MCUB: variants seen among roughly 807,000 people sequenced by gnomAD.
MCUB encodes mitochondrial calcium uniporter dominant negative subunit beta, also known as calcium uniporter regulatory subunit MCUb, mitochondrial.
Under a neutral mutation model 41.4 loss-of-function variants are expected in MCUB, and 46 were observed. The ratio of observed to expected loss-of-function variants is 1.11; its 90% CI spans 0.88 to 1.42. The LOEUF (loss-of-function observed/expected upper bound fraction) is 1.42, where lower values mean the gene tolerates loss of function less well. Among genes scored for constraint, MCUB ranks in the 40% most tolerant of loss-of-function variants. MCUB has a pLI of 0.00. For missense variants in MCUB, 403 were observed against 404.9 expected (o/e 1.00, Z 0.04); for synonymous variants, 148 against 148.2 (o/e 1.00, Z 0.01).
intron 1 of MCUB, among the ~76,000 whole-genome samples, chr4:109,600,863 C>T (rs1727715059): frequency 6.6e-6 from 1 of 152,096 alleles, no homozygotes; most frequent in African/African-American, 2.4e-5. Flanking sequence ...GGCATAATCT[C>T]AGCTCACTGC....
At chr4:109,584,261 T>C (rs1295109145) in intron 1 of MCUB, among the ~76,000 whole-genome samples, 1 of 152,202 alleles carries the variant, frequency 6.6e-6, no homozygotes, top group Non-Finnish European at 1.5e-5. Context: ...TATTCTCTGA[T>C]GGTAGTTTGT....
At chr4:109,647,787 A>C (rs970386891) in intron 1 of MCUB, among the ~76,000 whole-genome samples, 1 of 152,176 alleles carries the variant, frequency 6.6e-6, no homozygotes, top group African/African-American at 2.4e-5. Flanking sequence ...CCACCCTTTT[A>C]AATGTGCCGC....
At position 109,625,188 on chromosome 4, in the gene MCUB, C is replaced by T. The variant is rs557319827; in HGVS notation, c.100-33823C>T. On this transcript the variant is annotated intron_variant, in intron 1 of 7. Transcript: ENST00000394650. ...AAAAATTAAAAAAACTTGATGTCTT[C>T]CTGAAGAACACTATGCCTGCTAAAC... 3.3e-5 allele frequency among the ~76,000 whole-genome samples: 5 copies of T among 152,124 alleles called. No individual in the cohort carries two copies. In the South Asian group the frequency reaches 1.0e-3, roughly 32 times the overall value.
At chr4:109,618,427 G>C (rs966888458) in intron 1 of MCUB, among the ~76,000 whole-genome samples, 1 of 152,076 alleles carries the variant, frequency 6.6e-6, no homozygotes, top group Non-Finnish European at 1.5e-5. Context: ...TTTCCTTCCT[G>C]TATCATGCCT....
At chr4:109,607,983 G>A (rs899110362) in intron 1 of MCUB, among the ~76,000 whole-genome samples, 13 of 152,184 alleles carry the variant, frequency 8.5e-5, no homozygotes, top group African/African-American at 2.9e-4. Context: ...TTCTACCTCT[G>A]TCTCTTTCTC....
At chr4:109,608,202 TGTA>T (rs1727923435) in intron 1 of MCUB, among the ~76,000 whole-genome samples, 1 of 152,194 alleles carries the variant, frequency 6.6e-6, no homozygotes, top group African/African-American at 2.4e-5. Context: ...GTATGTCCAT[TGTA>T]TTCTTCAACT....
At chr4:109,680,555 C>G (rs534639879) in intron 4 of MCUB, among the ~76,000 whole-genome samples, 2 of 145,312 alleles carry the variant, frequency 1.4e-5, no homozygotes, top group Non-Finnish European at 2.9e-5. Flanking sequence ...GTTTTATGTA[C>G]CAATACATTT....
chr4:109,580,016 C>T (rs1048052864), intron 1 of MCUB, among the ~76,000 whole-genome samples: 5 of 152,154 alleles, frequency 3.3e-5, no homozygotes, highest in African/African-American at 1.2e-4. Flanking sequence ...ATTTCTAATG[C>T]TATCCCTCCC....
intron 1 of MCUB, among the ~76,000 whole-genome samples, chr4:109,636,499 T>A (rs537806383): frequency 7.9e-5 from 12 of 152,126 alleles, no homozygotes; most frequent in Admixed American, 2.6e-4. Flanking sequence ...TGAGAAAATA[T>A]AATCAGAAAT....
At chr4:109,623,706 T>A (rs1436646701) in intron 1 of MCUB, among the ~76,000 whole-genome samples, 1 of 152,202 alleles carries the variant, frequency 6.6e-6, no homozygotes, top group Non-Finnish European at 1.5e-5. Flanking sequence ...CACTCAAGAA[T>A]GTGAGCAAGC....
At chr4:109,585,069 T>C (rs115595227) in intron 1 of MCUB, among the ~76,000 whole-genome samples, 1 of 152,332 alleles carries the variant, frequency 6.6e-6, no homozygotes, top group African/African-American at 2.4e-5. Flanking sequence ...CCACTACTAT[T>C]GTATGGGAGT....
intron 1 of MCUB, among the ~76,000 whole-genome samples, chr4:109,604,345 C>T (rs373375027): frequency 2.5e-4 from 38 of 152,124 alleles, no homozygotes; most frequent in African/African-American, 8.7e-4. Flanking sequence ...CTGCCAAATC[C>T]CCCTCTGTGA....
chr4:109,576,604 T>C (rs1385369568), intron 1 of MCUB, among the ~76,000 whole-genome samples: 1 of 151,942 alleles, frequency 6.6e-6, no homozygotes, highest in African/African-American at 2.4e-5. Context: ...GGGAACTCTT[T>C]TGTGTTGCTA....
chr4:109,603,485 T>C (rs1053057458), intron 1 of MCUB, among the ~76,000 whole-genome samples: 1 of 152,212 alleles, frequency 6.6e-6, no homozygotes, highest in Non-Finnish European at 1.5e-5. Context: ...CCTCCCAAAG[T>C]GCTGAAGATT....
intron 1 of MCUB, among the ~76,000 whole-genome samples, chr4:109,642,878 A>G (rs1389964128): frequency 6.9e-6 from 1 of 145,406 alleles, no homozygotes; most frequent in African/African-American, 2.5e-5. Context: ...ATTGATATAC[A>G]GTACTCTCAG....
At chr4:109,653,878 G>A (rs967021972) in intron 1 of MCUB, among the ~76,000 whole-genome samples, 1 of 152,002 alleles carries the variant, frequency 6.6e-6, no homozygotes, top group South Asian at 2.1e-4. Flanking sequence ...CCCAGCCTAA[G>A]ATGGGCTTTT....
intron 1 of MCUB, among the ~76,000 whole-genome samples, chr4:109,639,969 C>T (rs1457795269): frequency 6.6e-6 from 1 of 152,224 alleles, no homozygotes; most frequent in Non-Finnish European, 1.5e-5. Flanking sequence ...GTCCACCAAA[C>T]AGGCTTTGTG....
chr4:109,643,049 T>A (rs1728755999), intron 1 of MCUB, among the ~76,000 whole-genome samples: 1 of 151,842 alleles, frequency 6.6e-6, no homozygotes, highest in African/African-American at 2.4e-5. Flanking sequence ...CACCTTGGCC[T>A]CCCAAAGTGC....
At position 109,688,428 on chromosome 4, in the gene MCUB, TTA is replaced by T. The variant is rs1729906377; in HGVS notation, c.*838_*839del. 2 of 152,362 alleles carry T rather than the reference TTA, an allele frequency of 1.3e-5. No homozygotes were observed. The highest frequency in any genetic ancestry group is 1.3e-4 in the Admixed American group (2 of 15,300). The allele number at this position is 152,362 out of a possible 1,614,324, so 9.4% of individuals were successfully genotyped here. ...GTGTTCAACCTATAGTGGCTAAGAA[TTA>T]TGTTTTCTATTTCATCCTCAGAATG... On this transcript the variant is annotated 3_prime_UTR_variant, in exon 8 of 8. Coordinates refer to ENST00000394650, the MANE Select transcript of MCUB (RefSeq NM_017918.5).
Sources: allele counts gnomAD v4.1 joint callset (sites outside exome capture counted in the v4.1 genomes callset), GRCh38; gene constraint gnomAD v4.1.1; transcripts MANE v1.5; gene names NCBI Gene and HGNC (gene_info 2026-07-23, HGNC 2026-07-21).